GRIA4: variants seen among roughly 807,000 people sequenced by gnomAD.
GRIA4 encodes glutamate receptor 4.
A neutral mutation model predicts 104.0 loss-of-function variants in GRIA4; 34 were observed. The ratio of observed to expected loss-of-function variants is 0.33; its 90% confidence interval spans 0.25 to 0.44. The LOEUF (loss-of-function observed/expected upper bound fraction) is 0.44. Among genes scored for constraint, GRIA4 ranks in the 20% least tolerant of loss-of-function variants. The probability of loss-of-function intolerance (pLI) is 1.00; values close to 1 mark genes in which losing one functional copy is unlikely to be tolerated. For missense variants in GRIA4, 750 were observed against 1,096.5 expected, an observed-to-expected ratio of 0.68 and a Z score of 4.46; for synonymous variants, 386 against 381.9, an observed-to-expected ratio of 1.01 and a Z score of -0.13.
At chr11:105,651,961 C>T (rs750734790) in intron 3 of GRIA4, among the ~76,000 whole-genome samples, 3 of 151,978 alleles carry the variant, frequency 2.0e-5, no homozygotes, top group Non-Finnish European at 4.4e-5. Flanking sequence ...TAATTTAGAG[C>T]TTCATATACT....
At chr11:105,713,244 G>A (rs577501036) in intron 3 of GRIA4, among the ~76,000 whole-genome samples, 10 of 152,000 alleles carry the variant, frequency 6.6e-5, no homozygotes, top group South Asian at 6.2e-4. Flanking sequence ...TTAGCTGGGC[G>A]TCGTGGTGCC....
At chr11:105,749,644 CGTGGCATCTGGAAG>C (rs907459085) in intron 3 of GRIA4, among the ~76,000 whole-genome samples, 102 of 152,164 alleles carry the variant, frequency 6.7e-4, no homozygotes, top group Non-Finnish European at 1.2e-3. Flanking sequence ...TTTGACTTAG[CGTGGCATCTGGAAG>C]GTGGCATCTG....
rs1859247974 is a variant in GRIA4 at position 105,981,551 on chromosome 11, A to T, written c.*1812A>T. ...AGTAAGAGCAATCTTAAACAGTATA[A>T]ATCACACACACACACACACACACAC... On this transcript the variant is annotated 3_prime_UTR_variant, in exon 17 of 17. Coordinates refer to ENST00000282499, the MANE Select transcript of GRIA4 (RefSeq NM_000829.4). The T allele has an allele frequency of 8.0e-6, 1 of 124,274 alleles. No homozygotes were observed. Among genetic ancestry groups the T allele is most frequent in the Non-Finnish European group, 1.6e-5 (1 of 61,060 alleles). The allele number at this position is 124,274 out of a possible 1,614,324, so 7.7% of individuals were successfully genotyped here. A position where few individuals can be genotyped will look rare whatever the true frequency, so the allele number is the denominator to read the frequency against.
chr11:105,840,743 C>T (rs1944362978), intron 4 of GRIA4, among the ~76,000 whole-genome samples: 1 of 152,168 alleles, frequency 6.6e-6, no homozygotes, highest in South Asian at 2.1e-4. Context: ...CTCACTGACT[C>T]AAAATATGGT....
chr11:105,702,973 G>A (rs1205158235), intron 3 of GRIA4, among the ~76,000 whole-genome samples: 3 of 152,050 alleles, frequency 2.0e-5, no homozygotes. Flanking sequence ...GGGATTAAAG[G>A]CATAAGACAC....
chr11:105,721,947 G>A (rs1937852342), intron 3 of GRIA4, among the ~76,000 whole-genome samples: 1 of 152,144 alleles, frequency 6.6e-6, no homozygotes, highest in Admixed American at 6.6e-5. Context: ...AATGTCAATT[G>A]CAGTAAATCT....
chr11:105,653,206 C>T (rs752699959), intron 3 of GRIA4, among the ~76,000 whole-genome samples: 7 of 152,222 alleles, frequency 4.6e-5, no homozygotes, highest in Non-Finnish European at 7.3e-5. Flanking sequence ...CCACCGCACC[C>T]GGCCTTTTCT....
chr11:105,653,522 T>C (rs1474829823), intron 3 of GRIA4, among the ~76,000 whole-genome samples: 1 of 152,206 alleles, frequency 6.6e-6, no homozygotes, highest in Non-Finnish European at 1.5e-5. Context: ...TGGCATGCAA[T>C]TGAAAACTTA....
At chr11:105,748,382 GA>G (rs1939790989) in intron 3 of GRIA4, among the ~76,000 whole-genome samples, 1 of 87,136 alleles carries the variant, frequency 1.1e-5, no homozygotes, top group African/African-American at 4.7e-5. Flanking sequence ...TCACTTTTGT[GA>G]TTTTTTTTTT....
chr11:105,809,137 A>C (rs1480301616), intron 4 of GRIA4, among the ~76,000 whole-genome samples: 1 of 152,114 alleles, frequency 6.6e-6, no homozygotes, highest in Non-Finnish European at 1.5e-5. Context: ...CTGTCTTTGC[A>C]ATTTTATGTA....
At chr11:105,844,259 G>C (rs2135968009) in intron 4 of GRIA4, among the ~76,000 whole-genome samples, 1 of 152,302 alleles carries the variant, frequency 6.6e-6, no homozygotes, top group Middle Eastern at 3.4e-3. Context: ...GTGAGTTTGT[G>C]ATACAAGTCA....
chr11:105,881,074 T>C (rs1946036219), intron 5 of GRIA4, among the ~76,000 whole-genome samples: 1 of 152,168 alleles, frequency 6.6e-6, no homozygotes. Flanking sequence ...CAATGAAAGA[T>C]GCATTTATCA....
At chr11:105,753,942 G>A (rs193292646) in intron 4 of GRIA4, among the ~76,000 whole-genome samples, 20 of 152,232 alleles carry the variant, frequency 1.3e-4, no homozygotes, top group African/African-American at 4.1e-4. Context: ...ATCTCCTCAT[G>A]TTCAGCCATC....
intron 9 of GRIA4, among the ~76,000 whole-genome samples, chr11:105,906,731 T>G (rs1947054058): frequency 6.6e-6 from 1 of 152,146 alleles, no homozygotes; most frequent in South Asian, 2.1e-4. Flanking sequence ...GGGGCCCAGC[T>G]GCACCTCACA....
At chr11:105,890,175 G>T (rs1946408171) in intron 6 of GRIA4, among the ~76,000 whole-genome samples, 1 of 152,126 alleles carries the variant, frequency 6.6e-6, no homozygotes, top group South Asian at 2.1e-4. Context: ...ATGAAATTGG[G>T]TCATGAATTT....
chr11:105,746,321 A>C (rs1591183942), intron 3 of GRIA4, among the ~76,000 whole-genome samples: 1 of 151,888 alleles, frequency 6.6e-6, no homozygotes, highest in Admixed American at 6.6e-5. Context: ...CCTTAGGAAT[A>C]TTAGATGAAA....
intron 14 of GRIA4, among the ~76,000 whole-genome samples, chr11:105,953,872 G>T (rs932604468): frequency 6.6e-6 from 1 of 151,974 alleles, no homozygotes; most frequent in African/African-American, 2.4e-5. Flanking sequence ...GAACATAGTT[G>T]CTAGCCATAA....
At chr11:105,951,003 A>C (rs1948442626) in intron 14 of GRIA4, among the ~76,000 whole-genome samples, 1 of 152,226 alleles carries the variant, frequency 6.6e-6, no homozygotes, top group African/African-American at 2.4e-5. Context: ...CCTAACTTTC[A>C]TTAGGCCCCA....
At chr11:105,762,172 C>T (rs1476747486) in intron 4 of GRIA4, among the ~76,000 whole-genome samples, 2 of 151,806 alleles carry the variant, frequency 1.3e-5, no homozygotes, top group African/African-American at 4.8e-5. Flanking sequence ...TACAGGCAAC[C>T]GCCATGATGC....
Sources: allele counts gnomAD v4.1 joint callset (sites outside exome capture counted in the v4.1 genomes callset), GRCh38; gene constraint gnomAD v4.1.1; transcripts MANE v1.5; gene names NCBI Gene and HGNC (gene_info 2026-07-23, HGNC 2026-07-21).